CAPN2: variants seen among roughly 807,000 people sequenced by gnomAD.
CAPN2 encodes calpain 2.
Under a neutral mutation model 102.3 loss-of-function variants are expected in CAPN2, and 92 were observed. That is an observed-to-expected ratio of 0.90 (90% CI 0.76 to 1.07). The LOEUF (loss-of-function observed/expected upper bound fraction) is 1.07, where lower values mean the gene tolerates loss of function less well. Ranked by LOEUF, CAPN2 falls within the 50% of genes least tolerant of loss-of-function variation. The probability of loss-of-function intolerance (pLI) is 0.00; values close to 1 mark genes in which losing one functional copy is unlikely to be tolerated. For missense variants in CAPN2, 800 were observed against 909.4 expected, an observed-to-expected ratio of 0.88 and a Z score of 1.55; for synonymous variants, 340 against 355.4, an observed-to-expected ratio of 0.96 and a Z score of 0.49.
rs1660226026 is a variant in CAPN2, at chr1:223,727,445, G to T, written c.307+9614G>T. Among the ~76,000 whole-genome samples, 1 of 152,166 alleles carries T rather than the reference G, an allele frequency of 6.6e-6. No individual in the cohort carries two copies. ...CTTGCCAAATGTCCCCTGGGGGCTT[G>T]GCGGAGTTGGGGGGTGCATGGAATG... On this transcript the variant is annotated intron_variant, in intron 2 of 20. Coordinates refer to ENST00000295006, the MANE Select transcript of CAPN2 (RefSeq NM_001748.5). The surrounding 1 kb of genome is among the most constrained non-coding windows in gnomAD (Gnocchi z 4.1).
At chr1:223,711,816 G>A (rs4233224), upstream of CAPN2, among the ~76,000 whole-genome samples, 100,810 of 152,106 alleles carry the variant, frequency 0.66, 35,158 homozygotes, top group Non-Finnish European at 0.78. Flanking sequence ...GGCTGGTCTC[G>A]AACTCCTGAC....
At chr1:223,774,773 T>C in intron 20 of CAPN2, 61 bp from the exon 21 acceptor site, 1 of 1,512,342 alleles carries the variant, frequency 6.6e-7, no homozygotes, top group Non-Finnish European at 9.2e-7. Context: ...TACAGGTACT[T>C]AAATAGCCTT....
intron 2 of CAPN2, among the ~76,000 whole-genome samples, chr1:223,719,797 GGT>G (rs377365157): frequency 0.15 from 19,418 of 126,640 alleles, 1,928 homozygotes; most frequent in African/African-American, 0.28. Context: ...ATTTCTCAGG[GGT>G]GTGTGCGTGT....
At chr1:223,724,096 G>A (rs1660129209) in intron 2 of CAPN2, among the ~76,000 whole-genome samples, 1 of 152,100 alleles carries the variant, frequency 6.6e-6, no homozygotes, top group Non-Finnish European at 1.5e-5. Flanking sequence ...TTTTCCTGAT[G>A]CCCCACTACT....
chr1:223,711,853 T>C (rs567830565), upstream of CAPN2, among the ~76,000 whole-genome samples: 2 of 152,328 alleles, frequency 1.3e-5, no homozygotes, highest in South Asian at 4.1e-4. Context: ...GCCTCCGGCC[T>C]CCCAAAGTGT....
intron 4 of CAPN2, among the ~76,000 whole-genome samples, 174 bp from the exon 5 acceptor site, chr1:223,746,821 CTG>C (rs1260149670): frequency 6.6e-6 from 1 of 152,118 alleles, no homozygotes; most frequent in East Asian, 1.9e-4. Flanking sequence ...GAAATGGTAA[CTG>C]TGGACATTAT....
At chr1:223,753,418 C>CT (rs1660955741) in intron 9 of CAPN2, among the ~76,000 whole-genome samples, 1 of 152,276 alleles carries the variant, frequency 6.6e-6, no homozygotes, top group Admixed American at 6.5e-5. Context: ...CCCATACTCA[C>CT]TTCAATCAGC....
At chr1:223,718,618 T>A (rs11801247) in intron 2 of CAPN2, among the ~76,000 whole-genome samples, 5,247 of 152,308 alleles carry the variant, frequency 0.034, 304 homozygotes, top group African/African-American at 0.12. Flanking sequence ...GGGCCTATAA[T>A]TACTAGAGCA....
rs1571824325 is a variant in CAPN2, at chr1:223,772,457, C to T, written c.2079+218C>T. 7.6e-6 allele frequency: 4 copies of T among 524,272 alleles called. No individual in the cohort carries two copies. The East Asian group carries it at 1.2e-4, about 15-fold the overall frequency. 32.5% of individuals were successfully genotyped at this position (524,272 alleles called of 1,614,324 possible). A position where few individuals can be genotyped will look rare whatever the true frequency, so the allele number is the denominator to read the frequency against. ...CAAGTCCAAAATGCACGCCTGGCTC[C>T]CTCTTCTCATGAGCTTTGACTTGAG... On this transcript the variant is annotated intron_variant, in intron 20 of 20. Transcript: ENST00000295006.
intron 2 of CAPN2, among the ~76,000 whole-genome samples, chr1:223,735,018 G>A (rs947570380): frequency 1.2e-4 from 19 of 152,154 alleles, no homozygotes; most frequent in Admixed American, 1.3e-4. Flanking sequence ...GCATGTGTTT[G>A]CATGTGTGCC....
At chr1:223,732,626 C>T (rs549897170) in intron 2 of CAPN2, among the ~76,000 whole-genome samples, 14 of 152,190 alleles carry the variant, frequency 9.2e-5, no homozygotes, top group African/African-American at 1.4e-4. Context: ...TATCTTGTGC[C>T]GACTTCCTAT....
rs28370175 is a variant in CAPN2, at chr1:223,775,045, A to G, written c.*188A>G. ...GAAGTTTCACACATCAAAGTAAAAG[A>G]TTTGCATATCATTATACTAAATGCA... On this transcript the variant is annotated 3_prime_UTR_variant, in exon 21 of 21. Coordinates refer to ENST00000295006, the MANE Select transcript of CAPN2 (RefSeq NM_001748.5). 4.4e-4 allele frequency: 267 copies of G among 610,230 alleles called. 2 individuals carry two copies. Among genetic ancestry groups the G allele is most frequent in the African/African-American group, 4.3e-3 (232 of 54,160 alleles). 37.8% of individuals were successfully genotyped at this position (610,230 alleles called of 1,614,324 possible). A position where few individuals can be genotyped will look rare whatever the true frequency, so the allele number is the denominator to read the frequency against.
intron 2 of CAPN2, among the ~76,000 whole-genome samples, 193 bp from the exon 3 acceptor site, chr1:223,743,907 C>T (rs1367496414): frequency 6.6e-6 from 1 of 152,238 alleles, no homozygotes; most frequent in East Asian, 1.9e-4. Context: ...GCAAAAATCA[C>T]AATTACTTTT....
intron 3 of CAPN2, among the ~76,000 whole-genome samples, chr1:223,744,790 G>A (rs1172349112): frequency 6.6e-6 from 1 of 151,948 alleles, no homozygotes; most frequent in Admixed American, 6.6e-5. Flanking sequence ...TAACCTGGGA[G>A]GCAGAGGTTG....
In CAPN2 at chr1:223,775,421, T is replaced by G. The variant is rs1376391704; in HGVS notation, c.*564T>G. 3 of 152,914 alleles carry G rather than the reference T, an allele frequency of 2.0e-5. No individual in the cohort carries two copies. In the East Asian group the frequency reaches 5.8e-4, roughly 29 times the overall value. The allele number at this position is 152,914 out of a possible 1,614,324, so 9.5% of individuals were successfully genotyped here. On this transcript the variant is annotated 3_prime_UTR_variant, in exon 21 of 21. Transcript: ENST00000295006. ...GGAGAGAAGACTCACCTCTGTCGCT[T>G]GGGTTAAACAAGAGACAGGTTTTGT...
intron 6 of CAPN2, 29 bp from the exon 7 acceptor site, chr1:223,750,861 T>C: frequency 6.5e-7 from 1 of 1,547,408 alleles, no homozygotes; most frequent in Non-Finnish European, 8.7e-7. Flanking sequence ...ACTCAACCTC[T>C]TACTCCTCCC....
upstream of CAPN2, among the ~76,000 whole-genome samples, chr1:223,708,702 C>T (rs2102768193): frequency 6.6e-6 from 1 of 151,468 alleles, no homozygotes; most frequent in Non-Finnish European, 1.5e-5. Context: ...ACCCGGGAGG[C>T]GAAGGTTGCA....
At chr1:223,702,539 C>T (rs909211270) in intron 1 of CAPN2, among the ~76,000 whole-genome samples, 1 of 152,098 alleles carries the variant, frequency 6.6e-6, no homozygotes, top group African/African-American at 2.4e-5. Context: ...ATCAAACTTC[C>T]ACTAGCTGTC....
At chr1:223,768,224 G>C (rs1294601212) in intron 16 of CAPN2, among the ~76,000 whole-genome samples, 1 of 150,242 alleles carries the variant, frequency 6.7e-6, no homozygotes, top group Non-Finnish European at 1.5e-5. Context: ...TTTGGCTTTT[G>C]TTGCCATTGC....
Sources: allele counts gnomAD v4.1 joint callset (sites outside exome capture counted in the v4.1 genomes callset), GRCh38; gene constraint gnomAD v4.1.1; non-coding constraint Gnocchi (gnomAD v3.1); transcripts MANE v1.5; gene names NCBI Gene and HGNC (gene_info 2026-07-23, HGNC 2026-07-21).